Variants in CDAN1 observed in about 807,000 individuals in gnomAD.
The protein encoded by CDAN1 is codanin-1.
CDAN1 carries 107 observed loss-of-function variants against 139.8 expected under a neutral mutation model. The ratio of observed to expected loss-of-function variants is 0.77; its 90% CI spans 0.65 to 0.90. The LOEUF (loss-of-function observed/expected upper bound fraction) is 0.90, where lower values mean the gene tolerates loss of function less well. Among genes scored for constraint, CDAN1 ranks in the 40% least tolerant of loss-of-function variants. The pLI, the probability that CDAN1 is intolerant of heterozygous loss-of-function variation, is 0.00. For missense variants in CDAN1, 1,667 were observed against 1,575.7 expected (o/e 1.06, Z -0.98); for synonymous variants, 776 against 660.6 (o/e 1.17, Z -2.68).
intron 10 of CDAN1, 43 bp from the exon 11 acceptor site, chr15:42,731,868 G>C (rs752774342): frequency 3.8e-6 from 6 of 1,577,626 alleles, no homozygotes; most frequent in Non-Finnish European, 5.2e-6. Flanking sequence ...AAATCAGCAA[G>C]TGGGAGGGAA....
intron 23 of CDAN1, 97 bp from the exon 24 acceptor site, chr15:42,726,514 A>T: frequency 1.1e-6 from 1 of 933,694 alleles, no homozygotes; most frequent in Non-Finnish European, 1.7e-6. Context: ...AGAGAGGCAG[A>T]AGAATGGGCC....
chr15:42,732,400 A>G lies in CDAN1; in HGVS notation c.1466T>C (p.Met489Thr), dbSNP rs1484615007. 20 of 1,614,000 alleles carry G rather than the reference A, an allele frequency of 1.2e-5. No individual in the cohort carries two copies. Among genetic ancestry groups the G allele is most frequent in the Non-Finnish European group, 1.7e-5 (20 of 1,179,910 alleles). The change falls in exon 10 of 28, where the codon ATG (methionine) becomes ACG (threonine). Residue 489 changes from methionine to threonine, a missense_variant. Met to Thr is a moderately conservative substitution (Grantham distance 81, BLOSUM62 -1). Coordinates refer to ENST00000356231, the MANE Select transcript of CDAN1 (RefSeq NM_138477.4). ...KGLGSRIRAM[M>T]GQLSAACSHS... ...GCTGCAGGCTGCGGAGAGCTGACCC[A>G]TCATGGCCCTGAGGAATAGAAGGCA...
At chr15:42,730,490 G>C in intron 14 of CDAN1, 108 bp downstream of exon 14, 1 of 1,310,402 alleles carries the variant, frequency 7.6e-7, no homozygotes, top group Admixed American at 1.9e-5. Flanking sequence ...TATGGCCAGG[G>C]CCCCACACGC....
At position 42,735,563 on chromosome 15, in the gene CDAN1, G is replaced by C. The variant is rs1453541127; in HGVS notation, c.890C>G (p.Ser297Cys). 1 of 1,614,124 alleles carries C rather than the reference G, an allele frequency of 6.2e-7. No homozygotes were observed. Among genetic ancestry groups the C allele is most frequent in the Non-Finnish European group, 8.5e-7 (1 of 1,180,050 alleles). Residue 297 changes from serine (S) to cysteine (C), a missense_variant, in exon 4 of 28, where the codon TCT becomes TGT. Ser to Cys is a moderately radical substitution (Grantham distance 112). This residue lies in a region of CDAN1 where 487 missense variants were observed against 422.2 expected (regional missense o/e 1.15). Transcript: ENST00000356231. ...TDEPADPARVSSRQRLELVAL... is the reference protein window; with the variant it reads ...TDEPADPARVCSRQRLELVAL... ...TACAAGCTCCAGGCGCTGGCGGGAA[G>C]ACACTCTGGCAGGGTCTGCAGGTTC...
rs377026916 is a variant in CDAN1 at position 42,725,639 on chromosome 15, C to G, written c.3300G>C (p.Pro1100=). 6.2e-7 allele frequency: 1 copy of G among 1,613,928 alleles called. No individual in the cohort carries two copies. The highest frequency in any genetic ancestry group is 8.5e-7 in the Non-Finnish European group (1 of 1,179,988). Residue 1100 remains proline (P), a synonymous_variant, in exon 26 of 28, where the codon CCG becomes CCC. Transcript: ENST00000356231. ...GCCCTCTCTCCAGCCTGTACTGTGC[C>G]GGGGGCCCTAGGATAGGAATTTGAT... ...VADQIPILGP[P]AQYRLERGQA...
chr15:42,731,127 C>G lies in CDAN1; in HGVS notation c.1861-56G>C, dbSNP rs1206122895. 2.5e-6 allele frequency: 4 copies of G among 1,614,164 alleles called. No individual in the cohort carries two copies. In the Admixed American group the frequency reaches 6.7e-5, roughly 27 times the overall value. ...AAGCATGAGGCTTCCAGAACAATTC[C>G]CGATCTGTTATAAAGTTTTTCTTGA... On this transcript the variant is annotated intron_variant, in intron 12 of 27. Transcript: ENST00000356231.
intron 5 of CDAN1, 31 bp from the exon 6 acceptor site, chr15:42,735,209 G>A (rs751854960): frequency 6.2e-7 from 1 of 1,604,430 alleles, no homozygotes; most frequent in Non-Finnish European, 8.5e-7. Flanking sequence ...TGTCAGTTAA[G>A]AACGGTCCCG....
At position 42,732,384 on chromosome 15, in the gene CDAN1, T is replaced by C. The variant is rs1162105203; in HGVS notation, c.1482A>G (p.Ala494=). 6.2e-6 allele frequency: 10 copies of C among 1,613,928 alleles called. No individual in the cohort carries two copies. Among genetic ancestry groups the C allele is most frequent in the Non-Finnish European group, 8.5e-6 (10 of 1,180,002 alleles). ...RIRAMMGQLS[A]ACSHSHFVRL... is the part of the protein sequence containing the mutation. ...GAACAAAGTGGCTGTGGCTGCAGGC[T>C]GCGGAGAGCTGACCCATCATGGCCC... Residue 494 remains alanine (A), a synonymous_variant, in exon 10 of 28, where the codon GCA becomes GCG. Transcript: ENST00000356231.
At position 42,728,734 on chromosome 15, in the gene CDAN1, C is replaced by G. The variant is rs746526678; in HGVS notation, c.2722G>C (p.Gly908Arg). The change falls in exon 20 of 28, where the codon GGG (glycine) becomes CGG (arginine). Residue 908 changes from glycine to arginine, a missense_variant. Gly to Arg is a moderately radical substitution (Grantham distance 125, BLOSUM62 -2). This residue lies in a region of CDAN1 where 936 missense variants were observed against 844.1 expected (regional missense o/e 1.11). Coordinates refer to ENST00000356231, the MANE Select transcript of CDAN1 (RefSeq NM_138477.4). ...TCCAACAGCTGGGCTGGGTCTCCCC[C>G]TTCCTCTCCCTGTGTCACCAGCTGC... ...QEQLVTQGEE[G>R]GDPAQLLEIL... 1 of 1,614,200 alleles carries G rather than the reference C, an allele frequency of 6.2e-7. No homozygotes were observed. The highest frequency in any genetic ancestry group is 8.5e-7 in the Non-Finnish European group (1 of 1,180,046).
intron 27 of CDAN1, 197 bp downstream of exon 27, chr15:42,724,947 C>T (rs1328666128): frequency 1.5e-6 from 1 of 654,954 alleles, no homozygotes; most frequent in Non-Finnish European, 2.7e-6. Flanking sequence ...TTCCAACTAA[C>T]TGCCTGCCTT....
chr15:42,732,211 C>T lies in CDAN1; in HGVS notation c.1533+122G>A, dbSNP rs944690768. The T allele has an allele frequency of 6.2e-6, 6 of 963,596 alleles. No homozygotes were observed. The African/African-American group carries it at 9.6e-5, about 15-fold the overall frequency. The allele number at this position is 963,596 out of a possible 1,614,324, so 59.7% of individuals were successfully genotyped here. A position where few individuals can be genotyped will look rare whatever the true frequency, so the allele number is the denominator to read the frequency against. On this transcript the variant is annotated intron_variant, in intron 10 of 27. Coordinates refer to ENST00000356231, the MANE Select transcript of CDAN1 (RefSeq NM_138477.4). ...CAGCCACTCCGCGAGGAGTAGAACTCTTGTTCAAATTCCAGCCCAGGACCT... is the reference window on the plus strand; with the variant it reads ...CAGCCACTCCGCGAGGAGTAGAACTTTTGTTCAAATTCCAGCCCAGGACCT...
At chr15:42,735,051 A>C (rs1306096657) in intron 6 of CDAN1, 49 bp downstream of exon 6, 2 of 1,307,800 alleles carry the variant, frequency 1.5e-6, no homozygotes, top group Non-Finnish European at 2.2e-6. Context: ...CCAGAGAGCT[A>C]AGCAGATGAT....
chr15:42,731,880 G>T, intron 10 of CDAN1, 55 bp from the exon 11 acceptor site: 2 of 1,461,152 alleles, frequency 1.4e-6, no homozygotes, highest in South Asian at 1.1e-5. Flanking sequence ...GGGAGGGAAG[G>T]ACTGAACAAA....
intron 20 of CDAN1, 136 bp downstream of exon 20, chr15:42,728,516 T>A: frequency 7.7e-7 from 1 of 1,302,900 alleles, no homozygotes; most frequent in Non-Finnish European, 1.1e-6. Flanking sequence ...GTGCAGGGCT[T>A]ATAGAGAATG....
chr15:42,734,134 A>T, intron 7 of CDAN1, 87 bp from the exon 8 acceptor site: 1 of 1,603,384 alleles, frequency 6.2e-7, no homozygotes, highest in Non-Finnish European at 8.5e-7. Flanking sequence ...AGCTCACATT[A>T]CACTGAAGTG....
chr15:42,728,972 A>AG (rs1491509145), intron 19 of CDAN1, 51 bp downstream of exon 19: 3 of 1,592,890 alleles, frequency 1.9e-6, no homozygotes, highest in East Asian at 2.2e-5. Flanking sequence ...CTGAGGAAAA[A>AG]GGGGAAAAAA....
intron 27 of CDAN1, 169 bp from the exon 28 acceptor site, chr15:42,724,785 G>T: frequency 1.1e-6 from 1 of 904,314 alleles, no homozygotes; most frequent in Non-Finnish European, 1.7e-6. Context: ...CTGGGAGGCT[G>T]AAGTTATGGC....
rs2061585660 is a variant in CDAN1, at chr15:42,729,882, G to T, written c.2266C>A (p.Pro756Thr). 1 of 1,612,242 alleles carries T rather than the reference G, an allele frequency of 6.2e-7. No individual in the cohort carries two copies. The highest frequency in any genetic ancestry group is 1.3e-5 in the African/African-American group (1 of 74,870). The change falls in exon 16 of 28, where the codon CCC (proline) becomes ACC (threonine). Residue 756 changes from proline (P) to threonine (T), a missense_variant. Physicochemically the swap from Pro to Thr is conservative, Grantham distance 38. Coordinates refer to ENST00000356231, the MANE Select transcript of CDAN1 (RefSeq NM_138477.4). ...LAVLGWLFQI[P>T]TVPEDLFFLE... ...AAGAACAAGTCCTCAGGGACTGTGG[G>T]AATCTGGCAAGACAGTCACAATTCA... is the stretch of plus-strand genomic sequence containing the variant.
In CDAN1 at chr15:42,736,712, C is replaced by T; in HGVS notation, c.159G>A (p.Leu53=). The T allele has an allele frequency of 6.4e-7, 1 of 1,560,522 alleles. No individual in the cohort carries two copies. Among genetic ancestry groups the T allele is most frequent in the Non-Finnish European group, 8.6e-7 (1 of 1,156,954 alleles). Residue 53 remains leucine (L), a synonymous_variant, in exon 2 of 28, where the codon CTG becomes CTA. Transcript: ENST00000356231. ...RALRKEFVPF[L]LNFLREQSSR... is the part of the protein sequence containing the mutation. Reference sequence around the variant, plus strand: ...TGCTCTGCTCCCTCAGGAAGTTCAACAGGAACGGTACGAATTCTTTCCGCA... The same window carrying T: ...TGCTCTGCTCCCTCAGGAAGTTCAATAGGAACGGTACGAATTCTTTCCGCA...
Sources: allele counts gnomAD v4.1 joint callset, GRCh38; gene constraint gnomAD v4.1.1; regional missense constraint gnomAD v4.1.1; transcripts MANE v1.5; gene names NCBI Gene and HGNC (gene_info 2026-07-23, HGNC 2026-07-21).